NCAM1: variants seen among roughly 807,000 people sequenced by gnomAD.
The protein encoded by NCAM1 is neural cell adhesion molecule 1, also known as antigen recognized by monoclonal antibody 5.1H11.
In NCAM1, 14 loss-of-function variants were observed where a neutral mutation model predicts 109.8. The ratio of observed to expected loss-of-function variants is 0.13; its 90% confidence interval spans 0.08 to 0.20. The LOEUF (loss-of-function observed/expected upper bound fraction) is 0.20, where lower values mean the gene tolerates loss of function less well. NCAM1 is among the 10% of genes least tolerant of loss of function. NCAM1 has a pLI of 1.00. For missense variants in NCAM1, 774 were observed against 1,109.9 expected (o/e 0.70, Z 4.30); for synonymous variants, 418 against 442.9 (o/e 0.94, Z 0.70).
rs528701682 is a variant in NCAM1, at chr11:113,225,672, C to T, written c.1089+4347C>T. 1.8e-4 allele frequency among the ~76,000 whole-genome samples: 27 copies of T among 152,326 alleles called. No homozygotes were observed. In the East Asian group the frequency reaches 4.6e-3, roughly 26 times the overall value. ...GAAATGAAGGAAAAAATGTTAAGGG[C>T]AGCCAGAGACAAAGGTCGGGTTACC... On this transcript the variant is annotated intron_variant, in intron 9 of 19. Coordinates refer to ENST00000316851, the MANE Select transcript of NCAM1 (RefSeq NM_181351.5).
At chr11:113,005,927 G>A (rs895961619) in intron 1 of NCAM1, among the ~76,000 whole-genome samples, 2 of 151,868 alleles carry the variant, frequency 1.3e-5, no homozygotes, top group Non-Finnish European at 2.9e-5. Flanking sequence ...TTTTCACTAC[G>A]TCTCCAGTGT....
intron 1 of NCAM1, among the ~76,000 whole-genome samples, chr11:113,159,336 A>C (rs1942521598): frequency 6.6e-6 from 1 of 152,182 alleles, no homozygotes; most frequent in African/African-American, 2.4e-5. Context: ...ATGTATTCTA[A>C]TAATTCACTT....
chr11:113,003,290 G>A (rs1951805425), intron 1 of NCAM1, among the ~76,000 whole-genome samples: 1 of 152,194 alleles, frequency 6.6e-6, no homozygotes, highest in South Asian at 2.1e-4. Flanking sequence ...GGTCATATGT[G>A]TCATTTTACC....
intron 1 of NCAM1, among the ~76,000 whole-genome samples, chr11:113,038,452 G>C (rs1344774928): frequency 6.6e-6 from 1 of 152,118 alleles, no homozygotes; most frequent in African/African-American, 2.4e-5. Flanking sequence ...GACTTGACTT[G>C]GTCTGACTTG....
intron 16 of NCAM1, among the ~76,000 whole-genome samples, chr11:113,257,932 C>G (rs1339729011): frequency 2.0e-5 from 3 of 152,214 alleles, no homozygotes; most frequent in African/African-American, 7.2e-5. Flanking sequence ...CTAGAATTCC[C>G]CTTCCAGCAC....
At chr11:112,978,367 G>T (rs10128614) in intron 1 of NCAM1, among the ~76,000 whole-genome samples, 1,523 of 151,826 alleles carry the variant, frequency 0.01, 24 homozygotes, top group African/African-American at 0.034. Flanking sequence ...GAAGATATTT[G>T]TCCACCAAAT....
chr11:113,029,885 C>T (rs536737326), intron 1 of NCAM1, among the ~76,000 whole-genome samples: 1 of 152,224 alleles, frequency 6.6e-6, no homozygotes, highest in African/African-American at 2.4e-5. Context: ...TTGGCCTGGG[C>T]CTTGGCATTT....
At chr11:113,064,477 T>C (rs1373853080) in intron 1 of NCAM1, among the ~76,000 whole-genome samples, 2 of 152,256 alleles carry the variant, frequency 1.3e-5, no homozygotes, top group African/African-American at 2.4e-5. Context: ...TATACCAATA[T>C]ACCTTTTCTT....
At chr11:113,213,564 G>A (rs1944447979) in intron 7 of NCAM1, among the ~76,000 whole-genome samples, 1 of 152,064 alleles carries the variant, frequency 6.6e-6, no homozygotes, top group Non-Finnish European at 1.5e-5. Flanking sequence ...CCCAGTCGTT[G>A]AGACTCCAAG....
chr11:113,131,717 C>T (rs1025337449), intron 1 of NCAM1, among the ~76,000 whole-genome samples: 7 of 152,154 alleles, frequency 4.6e-5, no homozygotes, highest in Admixed American at 1.3e-4. Flanking sequence ...TTCCCCCAGA[C>T]GTCCCCAGCC....
chr11:113,156,176 G>A (rs782179104), intron 1 of NCAM1, among the ~76,000 whole-genome samples: 21 of 152,076 alleles, frequency 1.4e-4, no homozygotes, highest in Non-Finnish European at 2.8e-4. Flanking sequence ...GGAAACAGAA[G>A]GACAAAAGAT....
At chr11:113,200,574 G>A (rs1591410721) in intron 1 of NCAM1, among the ~76,000 whole-genome samples, 2 of 152,174 alleles carry the variant, frequency 1.3e-5, no homozygotes, top group South Asian at 4.1e-4. Flanking sequence ...CTGGGGCCAC[G>A]CTAGCCCTAA....
intron 1 of NCAM1, among the ~76,000 whole-genome samples, chr11:113,044,899 A>G (rs934444630): frequency 7.9e-5 from 12 of 151,406 alleles, no homozygotes; most frequent in Non-Finnish European, 1.3e-4. Context: ...GACTACAGGC[A>G]CCCGCCACGA....
Position 113,253,051 on chromosome 11 carries a change from G to A in NCAM1, c.1829-2826G>A, listed in dbSNP as rs184857154. ...CTCAGATAAAATGATACAAATTATA[G>A]TGTTCTAACTATGTCAAATGTGTTC... On this transcript the variant is annotated intron_variant, in intron 15 of 19. Coordinates refer to ENST00000316851, the MANE Select transcript of NCAM1 (RefSeq NM_181351.5). Among the ~76,000 whole-genome samples, 189 of 151,858 alleles carry A rather than the reference G, an allele frequency of 1.2e-3. 1 individual carries two copies. The highest frequency in any genetic ancestry group is 3.4e-3 in the Middle Eastern group (1 of 294).
chr11:113,209,365 C>A (rs1029315687), intron 7 of NCAM1, among the ~76,000 whole-genome samples: 20 of 152,184 alleles, frequency 1.3e-4, no homozygotes, highest in South Asian at 1.2e-3. Flanking sequence ...TTCAAGTTAA[C>A]CGTACGTATT....
intron 1 of NCAM1, among the ~76,000 whole-genome samples, chr11:113,096,885 G>C (rs1053421852): frequency 1.3e-4 from 19 of 151,892 alleles, no homozygotes; most frequent in African/African-American, 4.4e-4. Context: ...TCACAATGCT[G>C]CCTCTACCTG....
At chr11:113,103,589 C>T (rs899288239) in intron 1 of NCAM1, among the ~76,000 whole-genome samples, 1 of 152,154 alleles carries the variant, frequency 6.6e-6, no homozygotes, top group Admixed American at 6.6e-5. Context: ...CCCCACTCAC[C>T]TCCCCAGTGA....
At chr11:113,225,548 C>T (rs1223267127) in intron 9 of NCAM1, among the ~76,000 whole-genome samples, 2 of 152,200 alleles carry the variant, frequency 1.3e-5, no homozygotes, top group African/African-American at 2.4e-5. Flanking sequence ...TCCAGCAAGG[C>T]AGGCTAACAT....
intron 1 of NCAM1, among the ~76,000 whole-genome samples, chr11:113,080,857 G>T: frequency 6.6e-6 from 1 of 152,208 alleles, no homozygotes. Context: ...GGAACAGAGT[G>T]CAGTGGCTTC....
Sources: gnomAD v4.1 joint callset for allele counts (sites outside exome capture counted in the v4.1 genomes callset) on GRCh38, gnomAD v4.1.1 for gene constraint, MANE v1.5 for transcripts, NCBI Gene and HGNC (gene_info 2026-07-23, HGNC 2026-07-21) for gene names.